USP40: variants seen among roughly 807,000 people sequenced by gnomAD.
USP40 encodes the protein ubiquitin carboxyl-terminal hydrolase 40.
Under a neutral mutation model 166.2 loss-of-function variants are expected in USP40, and 143 were observed. The observed-to-expected ratio is 0.86, with a 90% CI of 0.75 to 0.99. The LOEUF is 0.99. Among genes scored for constraint, USP40 ranks in the 50% least tolerant of loss-of-function variants. The pLI is 0.00. For missense variants in USP40, 1,444 were observed against 1,479.7 expected, an observed-to-expected ratio of 0.98 and a Z score of 0.40; for synonymous variants, 498 against 524.0, an observed-to-expected ratio of 0.95 and a Z score of 0.68.
At chr2:233,525,591 A>C (rs766410925) in intron 13 of USP40, 29 bp from the exon 14 acceptor site, 23 of 1,570,010 alleles carry the variant, frequency 1.5e-5, no homozygotes, top group Non-Finnish European at 2.0e-5. Context: ...GGAAAAGAGA[A>C]TGTTGAAAAG....
Position 233,527,401 on chromosome 2 carries a change from T to C in USP40, c.1725+6A>G. 1 of 1,611,270 alleles carries C rather than the reference T, an allele frequency of 6.2e-7. No homozygotes were observed. The highest frequency in any genetic ancestry group is 8.5e-7 in the Non-Finnish European group (1 of 1,179,268). On this transcript the variant is annotated splice_donor_region_variant and intron_variant, in intron 13 of 31. Coordinates refer to ENST00000678225, the MANE Select transcript of USP40 (RefSeq NM_001365479.2). ...TCTGAATTAAGAGGAAGTAAGGCGA[T>C]ATTACCTGAAATATTGACTGCCGGA...
At chr2:233,489,123 T>C (rs2125058525) in intron 27 of USP40, among the ~76,000 whole-genome samples, 1 of 152,336 alleles carries the variant, frequency 6.6e-6, no homozygotes, top group Middle Eastern at 3.4e-3. Context: ...TTTTAAGTTA[T>C]ATAATGTCAC....
chr2:233,512,578 G>T lies in USP40; in HGVS notation c.2428C>A (p.Leu810Ile). The T allele has an allele frequency of 6.3e-7, 1 of 1,583,552 alleles. No individual in the cohort carries two copies. The highest frequency in any genetic ancestry group is 1.4e-5 in the African/African-American group (1 of 73,248). ...TATCAAAAAGATTTACCTGGACAAAGAAGCTTCCCATTTCTATCAATAGGT... is the reference window on the plus strand; with the variant it reads ...TATCAAAAAGATTTACCTGGACAAATAAGCTTCCCATTTCTATCAATAGGT... Reference protein sequence around the residue: ...LRPIDRNGKLLCPVPDSYTLK... With the variant: ...LRPIDRNGKLICPVPDSYTLK... The change falls in exon 19 of 32, where the codon CTT becomes ATT. Residue 810 changes from leucine (L) to isoleucine (I), a missense_variant. By Grantham distance (5) the Leu-to-Ile change is conservative (BLOSUM62 2). Coordinates refer to ENST00000678225, the MANE Select transcript of USP40 (RefSeq NM_001365479.2).
chr2:233,511,494 C>T (rs2066832528), intron 20 of USP40, among the ~76,000 whole-genome samples: 1 of 152,036 alleles, frequency 6.6e-6, no homozygotes, highest in South Asian at 2.1e-4. Context: ...CTTTTAACCA[C>T]AAAATCTTCA....
Position 233,485,747 on chromosome 2 carries a change from A to G in USP40, c.3408+20T>C, listed in dbSNP as rs764038258. On this transcript the variant is annotated intron_variant, in intron 29 of 31. Coordinates refer to ENST00000678225, the MANE Select transcript of USP40 (RefSeq NM_001365479.2). ...ATGCCGGTAAGCCCCAATTTCTCTG[A>G]GACAGCCCCACAACTTTACCCAGCT... The G allele has an allele frequency of 5.0e-6, 8 of 1,611,892 alleles. No individual in the cohort carries two copies. Among genetic ancestry groups the G allele is most frequent in the Non-Finnish European group, 6.8e-6 (8 of 1,178,924 alleles).
At chr2:233,482,773 A>T (rs1426810548) in intron 30 of USP40, among the ~76,000 whole-genome samples, 1 of 152,038 alleles carries the variant, frequency 6.6e-6, no homozygotes, top group Non-Finnish European at 1.5e-5. Flanking sequence ...AGTGCAAGTG[A>T]TCTGCCTGCC....
At chr2:233,563,342 A>G (rs935046264) in intron 2 of USP40, among the ~76,000 whole-genome samples, 1 of 152,120 alleles carries the variant, frequency 6.6e-6, no homozygotes, top group Non-Finnish European at 1.5e-5. Context: ...TTATCACCCA[A>G]CATCTAGGTG....
At chr2:233,559,701 C>T (rs1283545444) in intron 4 of USP40, 110 bp downstream of exon 4, 1 of 625,864 alleles carries the variant, frequency 1.6e-6, no homozygotes, top group South Asian at 3.6e-5. Context: ...AACATTCAAA[C>T]AATATGTTGA....
At chr2:233,484,895 G>C (rs949882840) in intron 30 of USP40, among the ~76,000 whole-genome samples, 1 of 152,092 alleles carries the variant, frequency 6.6e-6, no homozygotes, top group Non-Finnish European at 1.5e-5. Context: ...TTCATTGCCC[G>C]TGTTGTTTAG....
intron 18 of USP40, among the ~76,000 whole-genome samples, chr2:233,517,600 G>A (rs1431879598): frequency 1.3e-5 from 2 of 152,104 alleles, no homozygotes; most frequent in Non-Finnish European, 2.9e-5. Context: ...TGTTAGCCAG[G>A]ATGGTCTTGA....
chr2:233,525,402 A>G, intron 14 of USP40, 76 bp downstream of exon 14: 2 of 1,033,990 alleles, frequency 1.9e-6, no homozygotes, highest in Non-Finnish European at 1.5e-6. Context: ...ACTGACAAAG[A>G]GTAGAAAATC....
At chr2:233,497,088 T>A (rs370825157) in intron 23 of USP40, among the ~76,000 whole-genome samples, 1 of 152,128 alleles carries the variant, frequency 6.6e-6, no homozygotes. Context: ...AGAAACTGAT[T>A]TACAGAAGAT....
intron 2 of USP40, among the ~76,000 whole-genome samples, chr2:233,563,667 C>T (rs1280702849): frequency 6.6e-6 from 1 of 152,122 alleles, no homozygotes; most frequent in East Asian, 1.9e-4. Context: ...CAATGTAGCC[C>T]TATTATTTAA....
chr2:233,509,353 C>CATAT (rs1443885578), intron 21 of USP40, among the ~76,000 whole-genome samples: 4 of 152,106 alleles, frequency 2.6e-5, no homozygotes, highest in Non-Finnish European at 1.5e-5. Context: ...CACATACACA[C>CATAT]ATATATACAA....
Position 233,480,838 on chromosome 2 carries a change from A to G in USP40, c.3599+365T>C, listed in dbSNP as rs892737488. ...GAGCCCGCAGCAGGGCTGAGGTGGC[A>G]GCAAGACGGGGTGGTTCTGGAGACC... is the stretch of plus-strand genomic sequence containing the variant. On this transcript the variant is annotated intron_variant, in intron 31 of 31. Transcript: ENST00000678225. This position sits in a 1 kb window ranked among gnomAD's most constrained non-coding sequence, Gnocchi z 4.5. Among the ~76,000 whole-genome samples, 4 of 152,160 alleles carry G rather than the reference A, an allele frequency of 2.6e-5. No individual in the cohort carries two copies. The highest frequency in any genetic ancestry group is 5.9e-5 in the Non-Finnish European group (4 of 68,008).
intron 11 of USP40, among the ~76,000 whole-genome samples, chr2:233,530,599 G>A (rs138483447): frequency 7.6e-4 from 115 of 152,274 alleles, no homozygotes; most frequent in African/African-American, 2.6e-3. Flanking sequence ...TGGAGGAAAT[G>A]TCACCTGTTG....
chr2:233,525,402 AG>A, intron 14 of USP40, 75 bp downstream of exon 14: 1 of 1,033,990 alleles, frequency 9.7e-7, no homozygotes, highest in Non-Finnish European at 1.5e-6. Context: ...ACTGACAAAG[AG>A]TAGAAAATCG....
At chr2:233,521,878 A>G (rs1475038357) in intron 16 of USP40, among the ~76,000 whole-genome samples, 1 of 152,228 alleles carries the variant, frequency 6.6e-6, no homozygotes, top group African/African-American at 2.4e-5. Flanking sequence ...AATTATGACA[A>G]TGACCGTAAT....
chr2:233,556,707 A>G (rs1343541615), intron 5 of USP40, 148 bp downstream of exon 5: 1 of 639,088 alleles, frequency 1.6e-6, no homozygotes. Flanking sequence ...TAGGCTCATG[A>G]TTTAGGTGTA....
Sources: gnomAD v4.1 joint callset for allele counts (sites outside exome capture counted in the v4.1 genomes callset) on GRCh38, gnomAD v4.1.1 for gene constraint, Gnocchi (gnomAD v3.1) non-coding constraint, MANE v1.5 for transcripts, NCBI Gene and HGNC (gene_info 2026-07-23, HGNC 2026-07-21) for gene names.